CHRM3: variants seen among roughly 807,000 people sequenced by gnomAD.
CHRM3 encodes muscarinic acetylcholine receptor M3.
In CHRM3, 11 loss-of-function variants were observed where a neutral mutation model predicts 41.8. The ratio of observed to expected loss-of-function variants is 0.26; its 90% CI spans 0.17 to 0.44. The LOEUF (loss-of-function observed/expected upper bound fraction) is 0.44, where lower values mean the gene tolerates loss of function less well. CHRM3 is among the 20% of genes least tolerant of loss of function. The pLI is 1.00. For missense variants in CHRM3, 571 were observed against 745.4 expected, an observed-to-expected ratio of 0.77 and a Z score of 2.72; for synonymous variants, 297 against 301.4, an observed-to-expected ratio of 0.99 and a Z score of 0.15.
At chr1:239,733,489 T>C (rs1181901778) in intron 5 of CHRM3, among the ~76,000 whole-genome samples, 4 of 152,050 alleles carry the variant, frequency 2.6e-5, no homozygotes, top group Admixed American at 2.6e-4. Context: ...ATCTGAGAAA[T>C]ATTTCATTAC....
chr1:239,733,219 C>T (rs1392849235), intron 5 of CHRM3, among the ~76,000 whole-genome samples: 1 of 151,954 alleles, frequency 6.6e-6, no homozygotes, highest in Non-Finnish European at 1.5e-5. Context: ...CCTCTAATCC[C>T]AAATGGATCC....
chr1:239,875,350 G>A (rs552190068), intron 6 of CHRM3, among the ~76,000 whole-genome samples: 4 of 152,248 alleles, frequency 2.6e-5, no homozygotes, highest in East Asian at 1.9e-4. Context: ...GGGACTATTC[G>A]ACTCTGTTGT....
rs553116102 is a variant in CHRM3, at chr1:239,724,061, C to CT, written c.-147+45783dup. 2.0e-3 allele frequency among the ~76,000 whole-genome samples: 302 copies of CT among 148,824 alleles called. 2 individuals carry two copies. The highest frequency in any genetic ancestry group is 3.8e-3 in the Non-Finnish European group (254 of 66,934). On this transcript the variant is annotated intron_variant, in intron 5 of 6. Coordinates refer to ENST00000676153, the MANE Select transcript of CHRM3 (RefSeq NM_001375978.1). ...TATGCTTAAAAACCCACAAACCTGC[C>CT]TTTTTTTTTTCCATCCAAGTCAATA...
rs183840378 is a variant in CHRM3 at position 239,615,531 on chromosome 1, G to T, written c.-312-16693G>T. ...CTTTGGTTATTAGAATGCATTCATT[G>T]TTCAACCGTAAACACAAGCAATAAA... is the stretch of plus-strand genomic sequence containing the variant. On this transcript the variant is annotated intron_variant, in intron 3 of 6. Coordinates refer to ENST00000676153, the MANE Select transcript of CHRM3 (RefSeq NM_001375978.1). Among the ~76,000 whole-genome samples the T allele has an allele frequency of 3.9e-5, 6 of 152,262 alleles. No homozygotes were observed. In the East Asian group the frequency reaches 7.7e-4, roughly 20 times the overall value.
At chr1:239,508,589 A>G (rs1668724230) in intron 2 of CHRM3, among the ~76,000 whole-genome samples, 1 of 152,204 alleles carries the variant, frequency 6.6e-6, no homozygotes, top group Non-Finnish European at 1.5e-5. Context: ...TACACTTATT[A>G]TTCTACTTCA....
chr1:239,412,464 C>T (rs1311381726), intron 1 of CHRM3, among the ~76,000 whole-genome samples: 1 of 147,814 alleles, frequency 6.8e-6, no homozygotes, highest in Admixed American at 6.9e-5. Context: ...CTTCACTCTA[C>T]TCATCCCCCC....
chr1:239,618,609 C>T (rs1404485218), intron 3 of CHRM3, among the ~76,000 whole-genome samples: 2 of 151,608 alleles, frequency 1.3e-5, no homozygotes, highest in Non-Finnish European at 2.9e-5. Context: ...CTTTGGGAGG[C>T]CAAGGCGGTC....
chr1:239,388,551 G>A (rs1658740071), intron 1 of CHRM3, among the ~76,000 whole-genome samples: 1 of 152,206 alleles, frequency 6.6e-6, no homozygotes, highest in South Asian at 2.1e-4. Flanking sequence ...CAATGCCCAT[G>A]TATTTACTTA....
chr1:239,549,678 TG>T (rs1659633264), intron 3 of CHRM3, among the ~76,000 whole-genome samples: 1 of 140,536 alleles, frequency 7.1e-6, no homozygotes, highest in Non-Finnish European at 1.5e-5. Context: ...AAAAAAAAAA[TG>T]GAGTCTCCTT....
At chr1:239,852,511 G>C (rs74149247) in intron 6 of CHRM3, among the ~76,000 whole-genome samples, 4,790 of 152,228 alleles carry the variant, frequency 0.031, 257 homozygotes, top group African/African-American at 0.11. Context: ...CTCCCAGAGA[G>C]GGGGATTTTC....
chr1:239,512,799 G>A (rs1669008524), intron 2 of CHRM3, among the ~76,000 whole-genome samples: 1 of 149,744 alleles, frequency 6.7e-6, no homozygotes, highest in African/African-American at 2.4e-5. Context: ...AGTTTTAAGG[G>A]TTACCCTCTT....
At chr1:239,738,744 AC>A (rs1297305895) in intron 5 of CHRM3, among the ~76,000 whole-genome samples, 2 of 152,120 alleles carry the variant, frequency 1.3e-5, no homozygotes, top group Admixed American at 1.3e-4. Context: ...CCATTTGAAC[AC>A]TTTTTCTGCT....
chr1:239,659,935 T>A (rs1485421775), intron 4 of CHRM3, among the ~76,000 whole-genome samples: 1 of 152,148 alleles, frequency 6.6e-6, no homozygotes, highest in African/African-American at 2.4e-5. Context: ...TTTGTAAGTT[T>A]CTCTTTCTTA....
At chr1:239,523,154 G>A (rs1361087372) in intron 2 of CHRM3, among the ~76,000 whole-genome samples, 1 of 151,976 alleles carries the variant, frequency 6.6e-6, no homozygotes, top group Non-Finnish European at 1.5e-5. Flanking sequence ...ATCTACATAT[G>A]TAGATAATAT....
intron 5 of CHRM3, among the ~76,000 whole-genome samples, chr1:239,691,285 T>G (rs559373215): frequency 1.3e-5 from 2 of 152,174 alleles, no homozygotes; most frequent in Non-Finnish European, 2.9e-5. Flanking sequence ...TACTGGTAAG[T>G]GCAGTGAAGA....
chr1:239,695,556 C>T (rs1218480331), intron 5 of CHRM3, among the ~76,000 whole-genome samples: 1 of 151,994 alleles, frequency 6.6e-6, no homozygotes, highest in Non-Finnish European at 1.5e-5. Context: ...TGTCTGTGTT[C>T]AGCTATAGTC....
intron 5 of CHRM3, among the ~76,000 whole-genome samples, chr1:239,691,413 CAA>C (rs200830124): frequency 7.0e-6 from 1 of 143,252 alleles, no homozygotes; most frequent in Admixed American, 7.0e-5. Flanking sequence ...CTGATTCCTA[CAA>C]AAAAAAAAGA....
chr1:239,632,392 CA>C (rs2148874648), intron 4 of CHRM3, 106 bp downstream of exon 4: 1 of 152,276 alleles, frequency 6.6e-6, no homozygotes, highest in East Asian at 1.9e-4. Context: ...TTGGTGTTTT[CA>C]ACATGATGTA....
At chr1:239,483,281 A>G (rs1572452896) in intron 1 of CHRM3, among the ~76,000 whole-genome samples, 1 of 152,240 alleles carries the variant, frequency 6.6e-6, no homozygotes, top group Non-Finnish European at 1.5e-5. Context: ...CCAGTAGAAG[A>G]CTGTTAAGAA....
Sources: allele counts gnomAD v4.1 joint callset (sites outside exome capture counted in the v4.1 genomes callset), GRCh38; gene constraint gnomAD v4.1.1; transcripts MANE v1.5; gene names NCBI Gene and HGNC (gene_info 2026-07-23, HGNC 2026-07-21).